FGF13: variants seen among roughly 807,000 people sequenced by gnomAD.
FGF13 encodes the protein fibroblast growth factor homologous factor 2.
In FGF13, 2 loss-of-function variants were observed where a neutral mutation model predicts 19.5. The ratio of observed to expected loss-of-function variants is 0.10; its 90% confidence interval spans 0.04 to 0.32. The LOEUF (loss-of-function observed/expected upper bound fraction) is 0.32. FGF13 is among the 10% of genes least tolerant of loss of function. The probability of loss-of-function intolerance (pLI) is 1.00; values close to 1 mark genes in which losing one functional copy is unlikely to be tolerated. For missense variants in FGF13, 113 were observed against 192.7 expected, an observed-to-expected ratio of 0.59 and a Z score of 2.45; for synonymous variants, 72 against 76.9, an observed-to-expected ratio of 0.94 and a Z score of 0.33.
At chrX:138,956,375 C>T (rs1226812027) in intron 1 of FGF13, among the ~76,000 whole-genome samples, 1 of 111,487 alleles carries the variant, frequency 9.0e-6, no homozygotes, top group East Asian at 2.8e-4. Flanking sequence ...TTGCCTGTTG[C>T]TCAAATGGGG....
intron 3 of FGF13, among the ~76,000 whole-genome samples, chrX:138,802,647 CTAGTTTTCTTCTT>C (rs1382459247): frequency 9.0e-6 from 1 of 111,398 alleles, no homozygotes; most frequent in Non-Finnish European, 1.9e-5. Context: ...TTGTGCTGTC[CTAGTTTTCTTCTT>C]ACCTTTCTGA....
At position 139,029,686 on chromosome X, in the gene FGF13, T is replaced by C. The variant is rs1487389350; in HGVS notation, c.-112-165036A>G. Among the ~76,000 whole-genome samples the C allele has an allele frequency of 3.6e-5, 4 of 111,656 alleles. No homozygotes were observed. The East Asian group carries it at 1.1e-3, about 32-fold the overall frequency. ...GAGCTAAAAGTAGGGCTGGAGGTGA[T>C]GTGATCTCTGGCTCTCCTACAGTAA... On this transcript the variant is annotated intron_variant, in intron 1 of 2. Coordinates refer to the FGF13 transcript ENST00000421460.
intron 1 of FGF13, among the ~76,000 whole-genome samples, chrX:138,907,020 T>G (rs2091562039): frequency 8.9e-6 from 1 of 111,857 alleles, no homozygotes; most frequent in African/African-American, 3.3e-5. Flanking sequence ...TAACGTGCTG[T>G]GTAACAAAGA....
At chrX:138,825,509 T>C (rs1286351990) in intron 3 of FGF13, among the ~76,000 whole-genome samples, 4 of 111,464 alleles carry the variant, frequency 3.6e-5, no homozygotes, top group Non-Finnish European at 7.5e-5. Context: ...CATTCTTTAC[T>C]TTTCCAGGCC....
intron 1 of FGF13, among the ~76,000 whole-genome samples, chrX:139,006,714 T>A: frequency 8.9e-6 from 1 of 112,193 alleles, no homozygotes; most frequent in East Asian, 2.8e-4. Context: ...CGTGTAGAAT[T>A]GTTGTTACTT....
In FGF13 at chrX:139,107,068, TG is replaced by T. The variant is rs1360469320; in HGVS notation, c.-113+96347del. Among the ~76,000 whole-genome samples, 8 of 111,792 alleles carry T rather than the reference TG, an allele frequency of 7.2e-5. No homozygotes were observed. In the Admixed American group the frequency reaches 7.6e-4, roughly 11 times the overall value. ...GTATGAGACCCTGGGGATATAAAAG[TG>T]ATTAAGACACAGTCCTGTCCTTAAG... On this transcript the variant is annotated intron_variant, in intron 1 of 2. Transcript: ENST00000421460.
intron 1 of FGF13, among the ~76,000 whole-genome samples, chrX:138,920,638 C>T (rs2091640032): frequency 9.0e-6 from 1 of 111,485 alleles, no homozygotes; most frequent in African/African-American, 3.3e-5. Context: ...TGCTATCACA[C>T]AGAAGGTAAA....
intron 1 of FGF13, among the ~76,000 whole-genome samples, chrX:139,193,189 C>G (rs1237735731): frequency 9.1e-6 from 1 of 110,298 alleles, no homozygotes; most frequent in Non-Finnish European, 1.9e-5. Flanking sequence ...ATATGAAAAT[C>G]ACTACTATTT....
At chrX:138,957,473 TC>T (rs2091846474) in intron 1 of FGF13, among the ~76,000 whole-genome samples, 1 of 111,902 alleles carries the variant, frequency 8.9e-6, no homozygotes, top group African/African-American at 3.2e-5. Context: ...CCAGCTTTGT[TC>T]TTTTGGCTTA....
At chrX:139,157,661 A>G (rs2083988813) in intron 1 of FGF13, among the ~76,000 whole-genome samples, 1 of 112,984 alleles carries the variant, frequency 8.9e-6, no homozygotes, top group Non-Finnish European at 1.9e-5. Flanking sequence ...TAAATTACCC[A>G]GTCTGTGGTA....
At chrX:138,829,305 T>A (rs1282022998) in intron 3 of FGF13, among the ~76,000 whole-genome samples, 2 of 111,542 alleles carry the variant, frequency 1.8e-5, no homozygotes, top group Non-Finnish European at 3.8e-5. Context: ...TGGAAGTAGA[T>A]CCCTCTTGAA....
At chrX:139,189,016 T>C (rs5976305) in intron 1 of FGF13, among the ~76,000 whole-genome samples, 14,068 of 109,522 alleles carry the variant, frequency 0.13, 709 homozygotes, top group African/African-American at 0.16. Flanking sequence ...AGGGCAAAAA[T>C]GCAAGGATGA....
At chrX:138,696,448 C>A (rs1304444349) in intron 3 of FGF13, among the ~76,000 whole-genome samples, 1 of 111,631 alleles carries the variant, frequency 9.0e-6, no homozygotes, top group African/African-American at 3.3e-5. Context: ...CTAAAAACAA[C>A]TGAATTGTAC....
chrX:139,076,507 T>C (rs1430682375), intron 1 of FGF13, among the ~76,000 whole-genome samples: 1 of 111,946 alleles, frequency 8.9e-6, no homozygotes, highest in African/African-American at 3.2e-5. Flanking sequence ...TGTATAGAGA[T>C]TAATTTGCTT....
intron 3 of FGF13, among the ~76,000 whole-genome samples, chrX:138,808,278 T>C (rs148155297): frequency 8.6e-4 from 96 of 112,037 alleles, no homozygotes; most frequent in African/African-American, 2.9e-3. Flanking sequence ...GAATTCAGGA[T>C]TAAGAAACTC....
chrX:138,751,020 C>A (rs2090394257), intron 3 of FGF13, among the ~76,000 whole-genome samples: 1 of 110,557 alleles, frequency 9.0e-6, no homozygotes, highest in Admixed American at 9.7e-5. Context: ...GAGAGAGTTT[C>A]AGGAAGGAAG....
At chrX:138,928,883 C>T (rs1033208447) in intron 1 of FGF13, among the ~76,000 whole-genome samples, 4 of 111,817 alleles carry the variant, frequency 3.6e-5, no homozygotes, top group African/African-American at 1.3e-4. Context: ...TCACCATGCC[C>T]CTCCATGGAA....
chrX:138,945,601 C>T (rs2091778229), intron 1 of FGF13, among the ~76,000 whole-genome samples: 1 of 111,352 alleles, frequency 9.0e-6, no homozygotes, highest in Admixed American at 9.5e-5. Context: ...AGGGAAGTAG[C>T]CAATAATTGT....
At chrX:139,028,650 TGAGAGAGA>T (rs148362246) in intron 1 of FGF13, among the ~76,000 whole-genome samples, 17 of 67,823 alleles carry the variant, frequency 2.5e-4, no homozygotes, top group Non-Finnish European at 4.4e-4. Context: ...TGTGTGTGTG[TGAGAGAGA>T]GAGAGAAAGA....
Sources: allele counts gnomAD v4.1 joint callset (sites outside exome capture counted in the v4.1 genomes callset), GRCh38; gene constraint gnomAD v4.1.1; transcripts MANE v1.5; gene names NCBI Gene and HGNC (gene_info 2026-07-23, HGNC 2026-07-21).